The following ZFHX4 variants were observed in gnomAD, a reference collection of about 807,000 sequenced individuals.
ZFHX4 encodes zinc finger homeobox 4.
Under a neutral mutation model 267.6 loss-of-function variants are expected in ZFHX4, and 56 were observed. The ratio of observed to expected loss-of-function variants is 0.21; its 90% CI spans 0.17 to 0.26. The LOEUF (loss-of-function observed/expected upper bound fraction) is 0.26. Among genes scored for constraint, ZFHX4 ranks in the 10% least tolerant of loss-of-function variants. The pLI, the probability that ZFHX4 is intolerant of heterozygous loss-of-function variation, is 1.00. For missense variants in ZFHX4, 4,332 were observed against 4,420.0 expected, an observed-to-expected ratio of 0.98 and a Z score of 0.56; for synonymous variants, 1,778 against 1,665.6, an observed-to-expected ratio of 1.07 and a Z score of -1.64.
At chr8:76,796,321 C>A (rs891775298) in intron 4 of ZFHX4, among the ~76,000 whole-genome samples, 2 of 152,062 alleles carry the variant, frequency 1.3e-5, no homozygotes, top group African/African-American at 2.4e-5. Flanking sequence ...TAGCTGATTT[C>A]TATAGAATAT....
Position 76,853,259 on chromosome 8 carries a change from G to A in ZFHX4, c.6338G>A (p.Cys2113Tyr). 6.3e-7 allele frequency: 1 copy of A among 1,591,900 alleles called. No individual in the cohort carries two copies. The highest frequency in any genetic ancestry group is 8.6e-7 in the Non-Finnish European group (1 of 1,168,652). The change falls in exon 10 of 11, where the codon TGC becomes TAC. Residue 2113 changes from cysteine to tyrosine, a missense_variant. Cys to Tyr is a radical substitution (Grantham distance 194, BLOSUM62 -2). Coordinates refer to ENST00000651372, the MANE Select transcript of ZFHX4 (RefSeq NM_024721.5). Reference sequence around the variant, plus strand: ...CTCTCTGCAGACCTCACCCAACTTTGCCAGCAGCAGCTCGGATTAGATCCC... The same window carrying A: ...CTCTCTGCAGACCTCACCCAACTTTACCAGCAGCAGCTCGGATTAGATCCC... ...DALSADLTQL[C>Y]QQQLGLDPNF...
At chr8:76,791,887 C>T (rs1462447866) in intron 4 of ZFHX4, among the ~76,000 whole-genome samples, 2 of 152,104 alleles carry the variant, frequency 1.3e-5, no homozygotes, top group African/African-American at 4.8e-5. Flanking sequence ...CAAAACCTTA[C>T]ACCACTCAAT....
intron 4 of ZFHX4, among the ~76,000 whole-genome samples, chr8:76,829,594 A>G (rs1272374245): frequency 6.6e-6 from 1 of 152,094 alleles, no homozygotes; most frequent in Non-Finnish European, 1.5e-5. Flanking sequence ...GCAGATCACA[A>G]GGTCAGGAGT....
chr8:76,683,660 G>C (rs1807613378), intron 1 of ZFHX4: 1 of 150,776 alleles, frequency 6.6e-6, no homozygotes, highest in Non-Finnish European at 1.5e-5. Context: ...GAGAGGGAGA[G>C]AGAGAGAGAG....
intron 3 of ZFHX4, among the ~76,000 whole-genome samples, chr8:76,711,088 A>C (rs1808410353): frequency 6.6e-6 from 1 of 152,122 alleles, no homozygotes; most frequent in Non-Finnish European, 1.5e-5. Flanking sequence ...CAGAGGCAGA[A>C]TGTGTTGATG....
chr8:76,815,474 G>C (rs190085762), intron 4 of ZFHX4, among the ~76,000 whole-genome samples: 1 of 151,986 alleles, frequency 6.6e-6, no homozygotes, highest in African/African-American at 2.4e-5. Context: ...GAAGGGATTA[G>C]CTATCACTCT....
rs192689843 is a variant in ZFHX4, at chr8:76,748,163, C to T, written c.3094-30045C>T. 1.7e-4 allele frequency among the ~76,000 whole-genome samples: 26 copies of T among 152,184 alleles called. No homozygotes were observed. In the South Asian group the frequency reaches 4.4e-3, roughly 25 times the overall value. On this transcript the variant is annotated intron_variant, in intron 3 of 10. Coordinates refer to ENST00000651372, the MANE Select transcript of ZFHX4 (RefSeq NM_024721.5). The stretch of plus-strand genomic sequence containing the variant: ...TAACTTCTCTCTTGAATTCTACATC[C>T]CCCATTTTCATATGGATGACTCATA...
intron 3 of ZFHX4, among the ~76,000 whole-genome samples, chr8:76,764,479 A>G (rs916295913): frequency 4.6e-5 from 7 of 152,206 alleles, no homozygotes; most frequent in South Asian, 2.1e-4. Flanking sequence ...ACATTGGTAC[A>G]TGCTTACCAA....
intron 5 of ZFHX4, among the ~76,000 whole-genome samples, chr8:76,841,392 G>A (rs1812229510): frequency 6.6e-6 from 1 of 152,040 alleles, no homozygotes; most frequent in African/African-American, 2.4e-5. Context: ...GGGGGGTGGA[G>A]AGGGCCACGA....
At position 76,852,271 on chromosome 8, in the gene ZFHX4, A is replaced by C; in HGVS notation, c.5350A>C (p.Thr1784Pro). ...TGAAGACCTAAAGCAGCAGATTCAA[A>C]CCCAACATCACGTTGGTCAAACTCA... is the stretch of plus-strand genomic sequence containing the variant. Reference protein sequence around the residue: ...LLEDLKQQIQTQHHVGQTQLQ... With the variant: ...LLEDLKQQIQPQHHVGQTQLQ... Residue 1784 changes from threonine (T) to proline (P), a missense_variant, in exon 10 of 11, where the codon ACC becomes CCC. This residue lies in a region of ZFHX4 where 1,371 missense variants were observed against 1,423.1 expected (regional missense o/e 0.96). Transcript: ENST00000651372. 6.3e-7 allele frequency: 1 copy of C among 1,583,028 alleles called. No individual in the cohort carries two copies. Among genetic ancestry groups the C allele is most frequent in the Middle Eastern group, 1.7e-4 (1 of 6,026 alleles).
chr8:76,773,162 A>C (rs910268500), intron 3 of ZFHX4, among the ~76,000 whole-genome samples: 1 of 152,150 alleles, frequency 6.6e-6, no homozygotes, highest in Non-Finnish European at 1.5e-5. Context: ...AAAGCAGTGG[A>C]TCCTGCTACC....
Position 76,853,908 on chromosome 8 carries a change from G to T in ZFHX4, c.6987G>T (p.Thr2329=), listed in dbSNP as rs748940445. 3.1e-6 allele frequency: 5 copies of T among 1,613,856 alleles called. No homozygotes were observed. The highest frequency in any genetic ancestry group is 4.2e-6 in the Non-Finnish European group (5 of 1,179,860). ...TCCCCAGGATCTTTGACTTGATTAC[G>T]CATCAGAAAAAGCAGTGTTACAAGG... is the stretch of plus-strand genomic sequence containing the variant. ...VVFPRIFDLI[T]HQKKQCYKDE... The change falls in exon 10 of 11, where the codon ACG becomes ACT. Residue 2329 remains threonine (T), a synonymous_variant. Transcript: ENST00000651372.
intron 4 of ZFHX4, among the ~76,000 whole-genome samples, chr8:76,798,865 T>C (rs1811049046): frequency 6.6e-6 from 1 of 152,142 alleles, no homozygotes; most frequent in Non-Finnish European, 1.5e-5. Flanking sequence ...GAACCATACA[T>C]TGACTAAGAC....
chr8:76,702,734 G>A (rs577319091), intron 1 of ZFHX4, among the ~76,000 whole-genome samples: 2 of 152,228 alleles, frequency 1.3e-5, no homozygotes, highest in South Asian at 4.1e-4. Flanking sequence ...TAAGGTGCTG[G>A]CCTTGAAGTT....
Position 76,852,108 on chromosome 8 carries a change from G to A in ZFHX4, c.5187G>A (p.Leu1729=), listed in dbSNP as rs759349708. Residue 1729 remains leucine (L), a synonymous_variant, in exon 10 of 11, where the codon CTG becomes CTA. Transcript: ENST00000651372. The part of the protein sequence containing the change: ...LPHFPMTPEA[L]LQFQQPQFLF... ...ATTTTCCTATGACCCCAGAAGCACT[G>A]CTGCAGTTTCAGCAGCCTCAGTTTC... The A allele has an allele frequency of 2.4e-5, 38 of 1,613,916 alleles. No individual in the cohort carries two copies. The highest frequency in any genetic ancestry group is 5.0e-5 in the Admixed American group (3 of 60,018).
At chr8:76,841,006 T>C (rs544159275) in intron 5 of ZFHX4, among the ~76,000 whole-genome samples, 2 of 152,330 alleles carry the variant, frequency 1.3e-5, no homozygotes, top group South Asian at 4.1e-4. Flanking sequence ...TGAAGTTAAA[T>C]TTCTGAGTGT....
chr8:76,720,261 C>T (rs1175978663), intron 3 of ZFHX4, among the ~76,000 whole-genome samples: 1 of 152,112 alleles, frequency 6.6e-6, no homozygotes, highest in Admixed American at 6.6e-5. Context: ...TAGATGGAAT[C>T]ATAGTATATG....
chr8:76,821,295 T>C (rs1811641427), intron 4 of ZFHX4, among the ~76,000 whole-genome samples: 1 of 152,206 alleles, frequency 6.6e-6, no homozygotes, highest in Admixed American at 6.5e-5. Flanking sequence ...TGGTCATTTT[T>C]ACAGCAGACA....
intron 3 of ZFHX4, among the ~76,000 whole-genome samples, chr8:76,720,460 T>C (rs902676077): frequency 1.3e-5 from 2 of 152,174 alleles, no homozygotes; most frequent in African/African-American, 4.8e-5. Flanking sequence ...TTATGGAAAA[T>C]GATGCTATGA....
Sources: allele counts gnomAD v4.1 joint callset (sites outside exome capture counted in the v4.1 genomes callset), GRCh38; gene constraint gnomAD v4.1.1; regional missense constraint gnomAD v4.1.1; transcripts MANE v1.5; gene names NCBI Gene and HGNC (gene_info 2026-07-23, HGNC 2026-07-21).